The following ZNF827 variants were observed in gnomAD, a reference collection of about 807,000 sequenced individuals.
The protein encoded by ZNF827 is zinc finger protein 827.
ZNF827 carries 13 observed loss-of-function variants against 102.4 expected under a neutral mutation model. The observed-to-expected ratio is 0.13, with a 90% confidence interval of 0.08 to 0.20. The LOEUF (loss-of-function observed/expected upper bound fraction) is 0.20. Ranked by LOEUF, ZNF827 falls within the 10% of genes least tolerant of loss-of-function variation. The pLI is 1.00. For missense variants in ZNF827, 1,103 were observed against 1,344.4 expected (o/e 0.82, Z 2.81); for synonymous variants, 523 against 536.2 (o/e 0.98, Z 0.34).
chr4:145,936,635 C>T (rs1449681684), intron 1 of ZNF827, among the ~76,000 whole-genome samples: 1 of 152,106 alleles, frequency 6.6e-6, no homozygotes, highest in Non-Finnish European at 1.5e-5. Context: ...AGCCCGCGCC[C>T]CCCTCCCGGT....
chr4:145,800,366 T>A (rs1037258592), intron 8 of ZNF827, among the ~76,000 whole-genome samples: 16 of 152,282 alleles, frequency 1.1e-4, no homozygotes, highest in Admixed American at 9.8e-4. Flanking sequence ...CCTTTTTTTT[T>A]TTTTGGAAAC....
chr4:145,812,170 C>T (rs1235406143), intron 8 of ZNF827, among the ~76,000 whole-genome samples: 2 of 151,978 alleles, frequency 1.3e-5, no homozygotes, highest in South Asian at 2.1e-4. Flanking sequence ...AGGTGATCCG[C>T]CTGCCTTGGC....
chr4:145,905,596 T>C (rs547550526), intron 1 of ZNF827, among the ~76,000 whole-genome samples: 2 of 152,328 alleles, frequency 1.3e-5, no homozygotes, highest in East Asian at 3.9e-4. Context: ...GCGGCGACCC[T>C]AAACTCATCA....
chr4:145,834,551 C>T (rs1216680027), intron 7 of ZNF827, among the ~76,000 whole-genome samples: 1 of 152,138 alleles, frequency 6.6e-6, no homozygotes, highest in East Asian at 1.9e-4. Flanking sequence ...CTAGCCCTCC[C>T]CATCCTGCCC....
chr4:145,902,885 C>T lies in ZNF827; in HGVS notation c.374G>A (p.Arg125Gln), dbSNP rs748890401. ...SNKPLSSNLR[R>Q]LLEAGSLKLD... ...TTTGAGGGAACCAGCCTCCAGCAGC[C>T]GCCTCAAATTGCTGCTCAGGGGCTT... is the stretch of plus-strand genomic sequence containing the variant. The change falls in exon 2 of 15, where the codon CGG becomes CAG. Residue 125 changes from arginine to glutamine, a missense_variant. Arg to Gln is a conservative substitution (Grantham distance 43, BLOSUM62 1). Transcript: ENST00000508784. This position sits in a 1 kb window ranked among gnomAD's most constrained non-coding sequence, Gnocchi z 4.3. The T allele has an allele frequency of 1.5e-5, 24 of 1,614,004 alleles. No homozygotes were observed. The highest frequency in any genetic ancestry group is 5.0e-5 in the Admixed American group (3 of 60,006).
chr4:145,931,916 C>G (rs543962385), intron 1 of ZNF827, among the ~76,000 whole-genome samples: 7 of 152,174 alleles, frequency 4.6e-5, no homozygotes, highest in African/African-American at 9.7e-5. Context: ...GGTGTCCCCC[C>G]CAAATTCATG....
intron 1 of ZNF827, among the ~76,000 whole-genome samples, chr4:145,928,851 G>A (rs1461572245): frequency 1.3e-5 from 2 of 152,168 alleles, no homozygotes; most frequent in African/African-American, 4.8e-5. Flanking sequence ...GTGGGCAGGT[G>A]TATATGCATA....
chr4:145,855,690 C>G lies in ZNF827; in HGVS notation c.1982-6129G>C, dbSNP rs1342322930. ...GCCCCAGATCTACTGGAGTGGAGGC[C>G]AAGGATGGAGCAGAAAAGGAAATGT... On this transcript the variant is annotated intron_variant, in intron 5 of 14. Transcript: ENST00000508784. Among the ~76,000 whole-genome samples the G allele has an allele frequency of 2.6e-5, 4 of 152,238 alleles. No individual in the cohort carries two copies. The East Asian group carries it at 7.7e-4, about 29-fold the overall frequency.
chr4:145,805,091 C>A (rs936305394), intron 8 of ZNF827, among the ~76,000 whole-genome samples: 1 of 151,342 alleles, frequency 6.6e-6, no homozygotes, highest in Non-Finnish European at 1.5e-5. Context: ...TTCCCTGACA[C>A]GTCTCTTTAT....
intron 8 of ZNF827, among the ~76,000 whole-genome samples, chr4:145,806,278 A>G (rs1204280919): frequency 1.3e-5 from 2 of 151,226 alleles, no homozygotes; most frequent in African/African-American, 4.9e-5. Context: ...CAGCCTCCCA[A>G]GTAACTGGGA....
chr4:145,865,301 G>A (rs1266904333), intron 5 of ZNF827, among the ~76,000 whole-genome samples: 1 of 152,256 alleles, frequency 6.6e-6, no homozygotes, highest in Non-Finnish European at 1.5e-5. Context: ...ACTGAAGAGA[G>A]ATGGTTCTTT....
intron 7 of ZNF827, among the ~76,000 whole-genome samples, 167 bp downstream of exon 7, chr4:145,845,789 C>T (rs1292762040): frequency 1.3e-5 from 2 of 152,214 alleles, no homozygotes; most frequent in East Asian, 3.8e-4. Context: ...TCCTTTACGT[C>T]TGTATTGTTT....
At chr4:145,770,497 C>T (rs1363581408) in intron 11 of ZNF827, among the ~76,000 whole-genome samples, 1 of 151,522 alleles carries the variant, frequency 6.6e-6, no homozygotes, top group Non-Finnish European at 1.5e-5. Flanking sequence ...GGTTGTGATA[C>T]TTAAATAGGT....
intron 2 of ZNF827, among the ~76,000 whole-genome samples, chr4:145,898,452 C>T (rs1292350989): frequency 6.6e-6 from 1 of 152,112 alleles, no homozygotes; most frequent in East Asian, 1.9e-4. Context: ...AGTCTGGCAT[C>T]CTGGGAATCT....
At chr4:145,793,783 C>T (rs1215457392) in intron 8 of ZNF827, among the ~76,000 whole-genome samples, 1 of 152,140 alleles carries the variant, frequency 6.6e-6, no homozygotes, top group African/African-American at 2.4e-5. Context: ...AAAGTTCAAC[C>T]TCAAAAGGTC....
intron 8 of ZNF827, among the ~76,000 whole-genome samples, chr4:145,791,218 T>A (rs1190882658): frequency 6.6e-6 from 1 of 152,246 alleles, no homozygotes; most frequent in Non-Finnish European, 1.5e-5. Flanking sequence ...GGGGAGGCCC[T>A]GCTTCCTCAC....
chr4:145,920,970 C>T (rs1216408613), intron 1 of ZNF827, among the ~76,000 whole-genome samples: 1 of 152,136 alleles, frequency 6.6e-6, no homozygotes, highest in Non-Finnish European at 1.5e-5. Context: ...ATAAGAACAT[C>T]GACTAGTAAG....
intron 1 of ZNF827, among the ~76,000 whole-genome samples, chr4:145,932,105 G>C (rs897367850): frequency 6.6e-6 from 1 of 152,186 alleles, no homozygotes; most frequent in Non-Finnish European, 1.5e-5. Context: ...TTGAAGCAGA[G>C]ATTGAGCCCT....
At chr4:145,937,246 G>C (rs2127015944) in intron 1 of ZNF827, among the ~76,000 whole-genome samples, 1 of 151,850 alleles carries the variant, frequency 6.6e-6, no homozygotes, top group Admixed American at 6.6e-5. Flanking sequence ...AGGAGGGGAA[G>C]GGGACCGGGC....
Sources: allele counts gnomAD v4.1 joint callset (sites outside exome capture counted in the v4.1 genomes callset), GRCh38; gene constraint gnomAD v4.1.1; non-coding constraint Gnocchi (gnomAD v3.1); transcripts MANE v1.5; gene names NCBI Gene and HGNC (gene_info 2026-07-23, HGNC 2026-07-21).